LYN: variants seen among roughly 807,000 people sequenced by gnomAD.
LYN encodes the protein tyrosine-protein kinase Lyn.
Under a neutral mutation model 65.0 loss-of-function variants are expected in LYN, and 12 were observed. The ratio of observed to expected loss-of-function variants is 0.18; its 90% CI spans 0.12 to 0.30. The LOEUF (loss-of-function observed/expected upper bound fraction) is 0.30, where lower values mean the gene tolerates loss of function less well. LYN is among the 10% of genes least tolerant of loss of function. The pLI is 1.00. For missense variants in LYN, 380 were observed against 623.2 expected (o/e 0.61, Z 4.16); for synonymous variants, 222 against 221.2 (o/e 1.00, Z -0.03).
chr8:55,931,719 T>A (rs56329099), intron 1 of LYN, among the ~76,000 whole-genome samples: 17,169 of 152,142 alleles, frequency 0.11, 1,248 homozygotes, highest in Middle Eastern at 0.29. Flanking sequence ...TAATAGTCAC[T>A]TAGTATTCTT....
chr8:55,941,354 A>C (rs968615857), intron 1 of LYN, among the ~76,000 whole-genome samples: 21 of 151,992 alleles, frequency 1.4e-4, no homozygotes, highest in Admixed American at 1.4e-3. Flanking sequence ...TTTTCTGAAG[A>C]GATTAGGTTG....
intron 1 of LYN, among the ~76,000 whole-genome samples, chr8:55,917,204 A>G (rs1430189406): frequency 3.3e-5 from 5 of 151,346 alleles, no homozygotes; most frequent in Non-Finnish European, 5.9e-5. Context: ...GAGAGAGAGA[A>G]AGATGGGATC....
At chr8:55,898,420 C>T (rs1805178470) in intron 1 of LYN, among the ~76,000 whole-genome samples, 1 of 152,158 alleles carries the variant, frequency 6.6e-6, no homozygotes, top group Admixed American at 6.5e-5. Flanking sequence ...TCCCAAGTAG[C>T]TGAGACCACA....
intron 1 of LYN, among the ~76,000 whole-genome samples, chr8:55,890,529 C>T (rs1314501203): frequency 6.6e-6 from 1 of 152,020 alleles, no homozygotes; most frequent in African/African-American, 2.4e-5. Context: ...ATGGTAGTTC[C>T]TCAAAAAATT....
intron 10 of LYN, among the ~76,000 whole-genome samples, chr8:55,983,430 A>G (rs1807984008): frequency 6.6e-6 from 1 of 151,888 alleles, no homozygotes; most frequent in Admixed American, 6.6e-5. Context: ...TAAAGCCTTC[A>G]CTTTCCCCTA....
intron 2 of LYN, among the ~76,000 whole-genome samples, chr8:55,944,295 T>G (rs1280271881): frequency 6.6e-6 from 1 of 152,080 alleles, no homozygotes; most frequent in East Asian, 1.9e-4. Flanking sequence ...TACATAAGTA[T>G]GTACAGATAT....
intron 8 of LYN, among the ~76,000 whole-genome samples, chr8:55,961,312 A>G (rs985899331): frequency 1.3e-5 from 2 of 152,164 alleles, no homozygotes; most frequent in African/African-American, 4.8e-5. Flanking sequence ...TTTTTTTAAC[A>G]TAATTTTTCA....
chr8:56,003,339 G>T (rs139038653), intron 12 of LYN, among the ~76,000 whole-genome samples: 2,678 of 152,140 alleles, frequency 0.018, 36 homozygotes, highest in Non-Finnish European at 0.028. Flanking sequence ...TGGATTACAG[G>T]CACGAGCCAC....
chr8:55,902,776 A>G (rs180986940), intron 1 of LYN: 5 of 514,568 alleles, frequency 9.7e-6, no homozygotes, highest in African/African-American at 3.9e-5. Context: ...TGATGGAAGC[A>G]TAACCTATCT....
intron 1 of LYN, among the ~76,000 whole-genome samples, chr8:55,934,376 C>A (rs1020053980): frequency 6.6e-6 from 1 of 152,254 alleles, no homozygotes; most frequent in African/African-American, 2.4e-5. Context: ...ACCCGCTACT[C>A]CTTTGCAATC....
At chr8:55,934,332 A>T (rs72651492) in intron 1 of LYN, among the ~76,000 whole-genome samples, 17,109 of 152,296 alleles carry the variant, frequency 0.11, 1,247 homozygotes, top group Middle Eastern at 0.29. Flanking sequence ...TTTCAAATGT[A>T]GTCTGTCTTC....
At chr8:55,996,022 T>G (rs953987577) in intron 10 of LYN, among the ~76,000 whole-genome samples, 2 of 152,210 alleles carry the variant, frequency 1.3e-5, no homozygotes, top group African/African-American at 4.8e-5. Flanking sequence ...GGACTTACTT[T>G]GTCTCTGATA....
intron 7 of LYN, among the ~76,000 whole-genome samples, chr8:55,952,885 T>C (rs1322299628): frequency 2.0e-5 from 3 of 152,160 alleles, no homozygotes; most frequent in Admixed American, 1.3e-4. Flanking sequence ...TGTCCCTGTC[T>C]CCAGTGCCAC....
At chr8:55,910,362 A>T (rs962445385) in intron 1 of LYN, among the ~76,000 whole-genome samples, 6 of 152,170 alleles carry the variant, frequency 3.9e-5, no homozygotes, top group African/African-American at 1.4e-4. Flanking sequence ...ATTCTTCCGC[A>T]TATGGCAACC....
intron 10 of LYN, among the ~76,000 whole-genome samples, chr8:55,976,848 T>C (rs554508619): frequency 4.6e-5 from 7 of 151,810 alleles, no homozygotes; most frequent in South Asian, 2.1e-4. Flanking sequence ...AGTGGGGGTA[T>C]ATGGAGAGAA....
chr8:55,974,359 A>G (rs566458400), intron 10 of LYN, among the ~76,000 whole-genome samples: 1 of 152,330 alleles, frequency 6.6e-6, no homozygotes, highest in East Asian at 1.9e-4. Flanking sequence ...GATGGAGGTT[A>G]TGCTCAAGGT....
chr8:55,968,884 C>A (rs1324077135), intron 9 of LYN, among the ~76,000 whole-genome samples: 1 of 152,218 alleles, frequency 6.6e-6, no homozygotes, highest in African/African-American at 2.4e-5. Context: ...AAAAACAGGT[C>A]TTGCTTTAGA....
At chr8:55,919,758 G>A (rs1448942125) in intron 1 of LYN, among the ~76,000 whole-genome samples, 1 of 152,180 alleles carries the variant, frequency 6.6e-6, no homozygotes, top group African/African-American at 2.4e-5. Flanking sequence ...AAGCCACAAC[G>A]GGCCCTGGGG....
At chr8:55,951,066 G>A (rs1290063371) in intron 6 of LYN, among the ~76,000 whole-genome samples, 3 of 151,756 alleles carry the variant, frequency 2.0e-5, no homozygotes, top group African/African-American at 7.3e-5. Context: ...AACACAGCAA[G>A]ACCCCATCTC....
Sources: gnomAD v4.1 joint callset for allele counts (sites outside exome capture counted in the v4.1 genomes callset) on GRCh38, gnomAD v4.1.1 for gene constraint, MANE v1.5 for transcripts, NCBI Gene and HGNC (gene_info 2026-07-23, HGNC 2026-07-21) for gene names.